The following SDK2 variants were observed in gnomAD, a reference collection of about 807,000 sequenced individuals.
SDK2 encodes protein sidekick-2.
A neutral mutation model predicts 253.9 loss-of-function variants in SDK2; 105 were observed. That is an observed-to-expected ratio of 0.41 (90% confidence interval 0.35 to 0.49). The LOEUF is 0.49. Ranked by LOEUF, SDK2 falls within the 20% of genes least tolerant of loss-of-function variation. SDK2 has a pLI of 0.06. For missense variants in SDK2, 2,608 were observed against 3,003.0 expected, an observed-to-expected ratio of 0.87 and a Z score of 3.07; for synonymous variants, 1,249 against 1,234.9, an observed-to-expected ratio of 1.01 and a Z score of -0.24.
chr17:73,528,179 CA>C (rs1366393370), intron 1 of SDK2, among the ~76,000 whole-genome samples: 2 of 152,084 alleles, frequency 1.3e-5, no homozygotes, highest in African/African-American at 4.8e-5. Context: ...CATCAGTTAG[CA>C]AATATAGGGG....
At chr17:73,559,455 G>C (rs188888874) in intron 1 of SDK2, among the ~76,000 whole-genome samples, 7 of 152,158 alleles carry the variant, frequency 4.6e-5, no homozygotes, top group African/African-American at 1.7e-4. Flanking sequence ...CTTTTTGCGG[G>C]CTCTTGAGAA....
Position 73,534,846 on chromosome 17 carries a change from T to A in SDK2, c.65-27249A>T, listed in dbSNP as rs1214720288. On this transcript the variant is annotated intron_variant, in intron 1 of 44. Transcript: ENST00000392650. The surrounding 1 kb of genome is among the most constrained non-coding windows in gnomAD (Gnocchi z 4.9). ...GGGCAGCGGGCCGGGCTCCCTGGAC[T>A]CCTTTGCATCTTCTAGGCCTCCTTG... 6.6e-6 allele frequency among the ~76,000 whole-genome samples: 1 copy of A among 152,146 alleles called. No homozygotes were observed. The highest frequency in any genetic ancestry group is 1.5e-5 in the Non-Finnish European group (1 of 68,018).
intron 3 of SDK2, among the ~76,000 whole-genome samples, chr17:73,462,222 G>T (rs1322363747): frequency 1.3e-5 from 2 of 152,028 alleles, no homozygotes; most frequent in Non-Finnish European, 2.9e-5. Flanking sequence ...TCTATGGTGG[G>T]ATAGATGGTT....
chr17:73,446,336 C>T (rs1291358767), intron 5 of SDK2, among the ~76,000 whole-genome samples: 2 of 152,140 alleles, frequency 1.3e-5, no homozygotes, highest in Non-Finnish European at 2.9e-5. Flanking sequence ...GACCCTGACT[C>T]GATGTCAGAG....
intron 1 of SDK2, among the ~76,000 whole-genome samples, chr17:73,587,648 C>T (rs755821246): frequency 6.6e-6 from 1 of 152,204 alleles, no homozygotes; most frequent in Non-Finnish European, 1.5e-5. Flanking sequence ...TCCGCAGCCT[C>T]TCCTGACTCT....
chr17:73,470,513 A>G (rs2063642004), intron 3 of SDK2, among the ~76,000 whole-genome samples: 1 of 152,190 alleles, frequency 6.6e-6, no homozygotes, highest in African/African-American at 2.4e-5. Flanking sequence ...GCACTGACTA[A>G]GCGAAGCTCC....
At chr17:73,627,355 T>C (rs1043966280) in intron 1 of SDK2, among the ~76,000 whole-genome samples, 1 of 152,178 alleles carries the variant, frequency 6.6e-6, no homozygotes, top group African/African-American at 2.4e-5. Context: ...AATTGATGTG[T>C]CTTAGGTTCA....
chr17:73,339,393 A>AT (rs1204107676), intron 44 of SDK2, among the ~76,000 whole-genome samples: 1 of 151,676 alleles, frequency 6.6e-6, no homozygotes, highest in African/African-American at 2.4e-5. Flanking sequence ...CGCCTGGCTA[A>AT]TTTTTTTGGT....
At chr17:73,444,189 G>C (rs1445854044) in intron 5 of SDK2, among the ~76,000 whole-genome samples, 1 of 152,220 alleles carries the variant, frequency 6.6e-6, no homozygotes, top group Non-Finnish European at 1.5e-5. Context: ...CAGAGGCTAT[G>C]GAGAGGTGGG....
chr17:73,366,797 C>T (rs977450729), intron 37 of SDK2, among the ~76,000 whole-genome samples: 4 of 152,062 alleles, frequency 2.6e-5, no homozygotes, highest in Non-Finnish European at 5.9e-5. Flanking sequence ...ACCAGGCTCG[C>T]TCTGCACACA....
At chr17:73,581,962 G>A (rs1451390917) in intron 1 of SDK2, among the ~76,000 whole-genome samples, 3 of 152,210 alleles carry the variant, frequency 2.0e-5, no homozygotes, top group South Asian at 2.1e-4. Flanking sequence ...TGGAGCCTGG[G>A]CTCTCTCCTG....
intron 1 of SDK2, among the ~76,000 whole-genome samples, chr17:73,516,219 C>A (rs1193593718): frequency 6.6e-6 from 1 of 152,158 alleles, no homozygotes; most frequent in Non-Finnish European, 1.5e-5. Flanking sequence ...ACAGCTGGAG[C>A]CTGGGGAGGG....
intron 1 of SDK2, among the ~76,000 whole-genome samples, chr17:73,542,736 G>C (rs910889136): frequency 6.6e-6 from 1 of 152,192 alleles, no homozygotes; most frequent in African/African-American, 2.4e-5. Context: ...GCTGGGAACC[G>C]AGGACACTTG....
intron 1 of SDK2, among the ~76,000 whole-genome samples, chr17:73,595,168 G>C (rs184865660): frequency 6.6e-6 from 1 of 152,246 alleles, no homozygotes; most frequent in Non-Finnish European, 1.5e-5. Flanking sequence ...GCCACAGAAG[G>C]GGTGTCAGTG....
At chr17:73,561,359 C>T (rs1338820513) in intron 1 of SDK2, among the ~76,000 whole-genome samples, 1 of 152,166 alleles carries the variant, frequency 6.6e-6, no homozygotes, top group Non-Finnish European at 1.5e-5. Context: ...AGGAAAGTCT[C>T]CAAAAGGGGC....
intron 2 of SDK2, among the ~76,000 whole-genome samples, chr17:73,497,627 C>T (rs1249974444): frequency 6.6e-6 from 1 of 151,938 alleles, no homozygotes; most frequent in African/African-American, 2.4e-5. Flanking sequence ...CACCAGTTAT[C>T]CCTCCTCAAT....
rs1197441464 is a variant in SDK2, at chr17:73,338,989, C to A, written c.6166-49G>T. On this transcript the variant is annotated intron_variant, in intron 44 of 44. Transcript: ENST00000392650. This position sits in a 1 kb window ranked among gnomAD's most constrained non-coding sequence, Gnocchi z 5.0. ...GTGTCAGTGGCCCCGTAGGGACAGG[C>A]CATTGTGGTTGGGGCCGGAAGGCAC... 3 of 1,548,426 alleles carry A rather than the reference C, an allele frequency of 1.9e-6. No homozygotes were observed. In the South Asian group the frequency reaches 3.4e-5, roughly 17 times the overall value.
chr17:73,343,350 CT>C (rs1351813559), intron 44 of SDK2, among the ~76,000 whole-genome samples: 1 of 152,252 alleles, frequency 6.6e-6, no homozygotes, highest in Non-Finnish European at 1.5e-5. Context: ...GGCAGGAGGG[CT>C]TTGCATCAGC....
At chr17:73,528,525 C>T (rs983513583) in intron 1 of SDK2, among the ~76,000 whole-genome samples, 1 of 152,184 alleles carries the variant, frequency 6.6e-6, no homozygotes, top group Non-Finnish European at 1.5e-5. Context: ...TGGAGGGATT[C>T]ACACTTGGGG....
Sources: gnomAD v4.1 joint callset for allele counts (sites outside exome capture counted in the v4.1 genomes callset) on GRCh38, gnomAD v4.1.1 for gene constraint, Gnocchi (gnomAD v3.1) non-coding constraint, MANE v1.5 for transcripts, NCBI Gene and HGNC (gene_info 2026-07-23, HGNC 2026-07-21) for gene names.